The following KCNK10 variants were observed in gnomAD, a reference collection of about 807,000 sequenced individuals.
KCNK10 encodes the protein potassium channel subfamily K member 10.
In KCNK10, 25 loss-of-function variants were observed where a neutral mutation model predicts 47.7. The observed-to-expected ratio is 0.52, with a 90% CI of 0.38 to 0.73. The LOEUF (loss-of-function observed/expected upper bound fraction) is 0.73. Among genes scored for constraint, KCNK10 ranks in the 30% least tolerant of loss-of-function variants. The pLI, the probability that KCNK10 is intolerant of heterozygous loss-of-function variation, is 0.00. For synonymous variants in KCNK10, 303 were observed against 285.6 expected (o/e 1.06, Z -0.61); for missense variants, 563 against 714.5 (o/e 0.79, Z 2.42).
intron 6 of KCNK10, among the ~76,000 whole-genome samples, chr14:88,187,154 G>A (rs1386200839): frequency 2.0e-5 from 3 of 152,236 alleles, no homozygotes; most frequent in Non-Finnish European, 4.4e-5. Flanking sequence ...ATTAGCATAT[G>A]GGCCCAGGAA....
chr14:88,296,779 C>T (rs1387747474), intron 1 of KCNK10, among the ~76,000 whole-genome samples: 1 of 152,184 alleles, frequency 6.6e-6, no homozygotes, highest in Non-Finnish European at 1.5e-5. Flanking sequence ...CCTGGACCAA[C>T]ATCAACGCCT....
intron 4 of KCNK10, among the ~76,000 whole-genome samples, chr14:88,215,336 T>C (rs1885583406): frequency 1.3e-5 from 2 of 152,280 alleles, no homozygotes; most frequent in South Asian, 4.1e-4. Flanking sequence ...ATTCACAGGA[T>C]GGCAGGAGAG....
intron 2 of KCNK10, among the ~76,000 whole-genome samples, chr14:88,250,949 C>A (rs1398582747): frequency 1.3e-5 from 2 of 152,110 alleles, no homozygotes; most frequent in African/African-American, 2.4e-5. Flanking sequence ...CAAACAGATA[C>A]AAAGGCTGGG....
At chr14:88,281,084 T>A (rs1887640739) in intron 1 of KCNK10, among the ~76,000 whole-genome samples, 4 of 152,144 alleles carry the variant, frequency 2.6e-5, no homozygotes, top group Admixed American at 1.3e-4. Context: ...AAAGCCTCTG[T>A]CCCCTCTCTA....
At chr14:88,262,383 G>A (rs1335432050) in intron 2 of KCNK10, among the ~76,000 whole-genome samples, 2 of 152,116 alleles carry the variant, frequency 1.3e-5, no homozygotes, top group South Asian at 2.1e-4. Flanking sequence ...TCTTCCTCGT[G>A]GGAACTGCTT....
rs980240561 is a variant in KCNK10, at chr14:88,322,901, G to A, written c.-103C>T. 20 of 1,582,224 alleles carry A rather than the reference G, an allele frequency of 1.3e-5. No individual in the cohort carries two copies. Among genetic ancestry groups the A allele is most frequent in the Non-Finnish European group, 1.6e-5 (19 of 1,164,472 alleles). On this transcript the variant is annotated 5_prime_UTR_variant, in exon 1 of 7. Coordinates refer to ENST00000319231, the MANE Select transcript of KCNK10 (RefSeq NM_138317.3). This position sits in a 1 kb window ranked among gnomAD's most constrained non-coding sequence, Gnocchi z 4.8. ...TTAGCAGTCCAACAAAACAATTTCCGAGGATGGGGGAGCCTTGGACTGGCT... is the reference window on the plus strand; with the variant it reads ...TTAGCAGTCCAACAAAACAATTTCCAAGGATGGGGGAGCCTTGGACTGGCT...
At chr14:88,233,756 A>T (rs906910462) in intron 3 of KCNK10, among the ~76,000 whole-genome samples, 12 of 152,186 alleles carry the variant, frequency 7.9e-5, no homozygotes, top group African/African-American at 2.9e-4. Flanking sequence ...TGTTCAATAA[A>T]CCAAGTTCCT....
intron 1 of KCNK10, among the ~76,000 whole-genome samples, chr14:88,294,085 C>T (rs957039261): frequency 6.6e-6 from 1 of 152,162 alleles, no homozygotes; most frequent in African/African-American, 2.4e-5. Flanking sequence ...CCACTACAGC[C>T]CACTCTCAGC....
chr14:88,246,416 C>T (rs781349092), intron 2 of KCNK10, among the ~76,000 whole-genome samples: 11 of 152,188 alleles, frequency 7.2e-5, no homozygotes, highest in Admixed American at 1.3e-4. Flanking sequence ...AGCAGGGCAG[C>T]AACATCTCTC....
At chr14:88,242,450 G>A (rs1055940194) in intron 2 of KCNK10, among the ~76,000 whole-genome samples, 1 of 152,114 alleles carries the variant, frequency 6.6e-6, no homozygotes, top group Non-Finnish European at 1.5e-5. Context: ...AGCTAGATTT[G>A]GCAGACTCAT....
Position 88,185,896 on chromosome 14 carries a change from C to A in KCNK10, c.1271G>T (p.Arg424Leu). The change falls in exon 7 of 7, where the codon CGG becomes CTG. Residue 424 changes from arginine (R) to leucine (L), a missense_variant. Arg to Leu is a moderately radical substitution (Grantham distance 102). Transcript: ENST00000319231. This position sits in a 1 kb window ranked among gnomAD's most constrained non-coding sequence, Gnocchi z 4.3. ...CCCCTTCAGGCGCAGGTTGTTGGGC[C>A]GGTTGTTGATGCTCTCCTGGGATGA... ...KASSQESINN[R>L]PNNLRLKGPE... 6.2e-7 allele frequency: 1 copy of A among 1,613,886 alleles called. No homozygotes were observed. The highest frequency in any genetic ancestry group is 8.5e-7 in the Non-Finnish European group (1 of 1,179,974).
At chr14:88,255,478 G>C (rs929523017) in intron 2 of KCNK10, among the ~76,000 whole-genome samples, 1 of 151,380 alleles carries the variant, frequency 6.6e-6, no homozygotes, top group Non-Finnish European at 1.5e-5. Flanking sequence ...AGGATTGCTT[G>C]AGGCCAGGAG....
chr14:88,183,936 A>G lies in KCNK10; in HGVS notation c.*1599T>C, dbSNP rs1884452715. Reference sequence around the variant, plus strand: ...GGGTTAGTTACGTAAAATCCCGTGAACTCTGTAAAAGGTAGCAGTGAGCCT... The same window carrying G: ...GGGTTAGTTACGTAAAATCCCGTGAGCTCTGTAAAAGGTAGCAGTGAGCCT... On this transcript the variant is annotated 3_prime_UTR_variant, in exon 7 of 7. Coordinates refer to ENST00000319231, the MANE Select transcript of KCNK10 (RefSeq NM_138317.3). The G allele has an allele frequency of 6.6e-6, 1 of 152,240 alleles. No homozygotes were observed. Among genetic ancestry groups the G allele is most frequent in the South Asian group, 2.1e-4 (1 of 4,818 alleles). The allele number at this position is 152,240 out of a possible 1,614,324, so 9.4% of individuals were successfully genotyped here. A position where few individuals can be genotyped will look rare whatever the true frequency, so the allele number is the denominator to read the frequency against.
intron 4 of KCNK10, among the ~76,000 whole-genome samples, chr14:88,216,603 T>C (rs1885629248): frequency 6.6e-6 from 1 of 152,156 alleles, no homozygotes; most frequent in Non-Finnish European, 1.5e-5. Flanking sequence ...GAGCCGTCCA[T>C]GGAAAAACTG....
At chr14:88,277,788 A>G (rs1887558033) in intron 1 of KCNK10, among the ~76,000 whole-genome samples, 1 of 152,168 alleles carries the variant, frequency 6.6e-6, no homozygotes, top group East Asian at 1.9e-4. Flanking sequence ...GGAATTTTCC[A>G]TACCAGAGAG....
intron 1 of KCNK10, among the ~76,000 whole-genome samples, chr14:88,284,673 C>T (rs1887725599): frequency 6.6e-6 from 1 of 152,182 alleles, no homozygotes; most frequent in South Asian, 2.1e-4. Context: ...CCTTCTTCTG[C>T]CTGCTTTTTT....
chr14:88,264,481 A>G (rs1887202376), intron 1 of KCNK10, among the ~76,000 whole-genome samples: 1 of 152,204 alleles, frequency 6.6e-6, no homozygotes, highest in Non-Finnish European at 1.5e-5. Context: ...TGATAAACCT[A>G]ATTACCTAAG....
intron 1 of KCNK10, among the ~76,000 whole-genome samples, chr14:88,282,998 T>C (rs1453150154): frequency 6.6e-6 from 1 of 152,262 alleles, no homozygotes; most frequent in African/African-American, 2.4e-5. Flanking sequence ...CTGTGGTCTC[T>C]CTGCAATTTA....
intron 2 of KCNK10, among the ~76,000 whole-genome samples, chr14:88,244,115 T>G (rs901934320): frequency 6.6e-6 from 1 of 152,078 alleles, no homozygotes; most frequent in African/African-American, 2.4e-5. Flanking sequence ...AAAGCCCCAA[T>G]GCTGAGAATG....
Sources: gnomAD v4.1 joint callset for allele counts (sites outside exome capture counted in the v4.1 genomes callset) on GRCh38, gnomAD v4.1.1 for gene constraint, Gnocchi (gnomAD v3.1) non-coding constraint, MANE v1.5 for transcripts, NCBI Gene and HGNC (gene_info 2026-07-23, HGNC 2026-07-21) for gene names.